Variants in AGBL4 observed in about 807,000 individuals in gnomAD.
AGBL4 encodes the protein cytosolic carboxypeptidase 6.
In AGBL4, 58 loss-of-function variants were observed where a neutral mutation model predicts 66.4. The ratio of observed to expected loss-of-function variants is 0.87; its 90% CI spans 0.71 to 1.09. AGBL4 has a LOEUF of 1.09. Among genes scored for constraint, AGBL4 ranks in the 50% least tolerant of loss-of-function variants. The pLI, the probability that AGBL4 is intolerant of heterozygous loss-of-function variation, is 0.00. For synonymous variants in AGBL4, 234 were observed against 222.9 expected (o/e 1.05, Z -0.44); for missense variants, 579 against 631.0 (o/e 0.92, Z 0.88).
At chr1:48,949,434 G>A (rs1656787130) in intron 5 of AGBL4, among the ~76,000 whole-genome samples, 1 of 152,198 alleles carries the variant, frequency 6.6e-6, no homozygotes, top group South Asian at 2.1e-4. Flanking sequence ...CCTGCACAGA[G>A]TCTATATACA....
chr1:49,157,212 C>A (rs1646449234), intron 4 of AGBL4, among the ~76,000 whole-genome samples: 1 of 152,022 alleles, frequency 6.6e-6, no homozygotes, highest in East Asian at 1.9e-4. Context: ...TTAGGTATTT[C>A]TCCTAATGCT....
chr1:49,522,413 TCTC>T (rs985819191), intron 3 of AGBL4, among the ~76,000 whole-genome samples: 2 of 152,096 alleles, frequency 1.3e-5, no homozygotes, highest in African/African-American at 4.8e-5. Context: ...CAACATGCCT[TCTC>T]ATCGTAATTT....
chr1:48,806,626 T>C (rs1645929984), intron 6 of AGBL4, among the ~76,000 whole-genome samples: 1 of 152,172 alleles, frequency 6.6e-6, no homozygotes, highest in South Asian at 2.1e-4. Flanking sequence ...TGCTCTTTCT[T>C]TGTTGTAGAA....
At chr1:48,999,237 A>C (rs1016667758) in intron 5 of AGBL4, among the ~76,000 whole-genome samples, 1 of 152,200 alleles carries the variant, frequency 6.6e-6, no homozygotes, top group African/African-American at 2.4e-5. Flanking sequence ...ATCTCATCCA[A>C]TTAAGAACAT....
intron 5 of AGBL4, among the ~76,000 whole-genome samples, chr1:49,009,823 C>G (rs1205902985): frequency 6.6e-6 from 1 of 152,112 alleles, no homozygotes; most frequent in Non-Finnish European, 1.5e-5. Flanking sequence ...TGACAAAATT[C>G]AACAACCATT....
At position 49,693,610 on chromosome 1, in the gene AGBL4, T is replaced by G. The variant is rs1343163; in HGVS notation, c.282+3703A>C. Among the ~76,000 whole-genome samples, 361 of 152,030 alleles carry G rather than the reference T, an allele frequency of 2.4e-3. 1 individual carries two copies. Among genetic ancestry groups the G allele is most frequent in the African/African-American group, 6.2e-3 (258 of 41,500 alleles). Reference sequence around the variant, plus strand: ...AGTAAAATTGTAATTTTTGTGTGTGTGGGGGGGTGCTTTTTCTCTGCTTCA... The same window carrying G: ...AGTAAAATTGTAATTTTTGTGTGTGGGGGGGGGTGCTTTTTCTCTGCTTCA... On this transcript the variant is annotated intron_variant, in intron 3 of 13. Transcript: ENST00000371839.
Position 49,568,487 on chromosome 1 carries a change from T to TCTCACACA in AGBL4, c.282+128825_282+128826insTGTGTGAG, listed in dbSNP as rs373075739. Among the ~76,000 whole-genome samples the TCTCACACA allele has an allele frequency of 5.3e-5, 7 of 131,284 alleles. No homozygotes were observed. In the East Asian group the frequency reaches 1.3e-3, roughly 24 times the overall value. The allele number at this position is 131,284 out of a possible 152,430, so 86.1% of individuals were successfully genotyped here. ...AAACACTGCTCAAAGAAATAAGTGA[T>TCTCACACA]CACACACACACACACACACACACAC... On this transcript the variant is annotated intron_variant, in intron 3 of 13. Coordinates refer to ENST00000371839, the MANE Select transcript of AGBL4 (RefSeq NM_032785.4).
downstream of AGBL4, among the ~76,000 whole-genome samples, chr1:48,529,794 G>A (rs1420419631): frequency 1.3e-5 from 2 of 152,124 alleles, no homozygotes; most frequent in Non-Finnish European, 2.9e-5. Context: ...GTCACGATGG[G>A]TCCAACAACC....
At chr1:48,714,491 T>C (rs6683673) in intron 6 of AGBL4, among the ~76,000 whole-genome samples, 149,449 of 152,338 alleles carry the variant, frequency 0.98, 73,370 homozygotes, top group East Asian at 1. Context: ...ATCTGTCCCA[T>C]CCACCCCTTC....
At chr1:49,463,676 G>C (rs1374516441) in intron 3 of AGBL4, among the ~76,000 whole-genome samples, 1 of 151,748 alleles carries the variant, frequency 6.6e-6, no homozygotes, top group Non-Finnish European at 1.5e-5. Flanking sequence ...GGGATTCTGT[G>C]TAACCTAATT....
At chr1:49,307,734 A>AT (rs1213817225) in intron 3 of AGBL4, among the ~76,000 whole-genome samples, 1 of 152,098 alleles carries the variant, frequency 6.6e-6, no homozygotes, top group Non-Finnish European at 1.5e-5. Context: ...CACAATGTTA[A>AT]TTTTATCCCT....
chr1:49,772,735 C>G (rs1644098289), intron 2 of AGBL4, among the ~76,000 whole-genome samples: 1 of 152,144 alleles, frequency 6.6e-6, no homozygotes, highest in Non-Finnish European at 1.5e-5. Flanking sequence ...AATGAGGATT[C>G]TCTTATATGT....
At chr1:49,635,352 CG>C (rs1645651473) in intron 3 of AGBL4, among the ~76,000 whole-genome samples, 1 of 151,836 alleles carries the variant, frequency 6.6e-6, no homozygotes. Context: ...TCTTTTAAAC[CG>C]GACCTAAAAA....
At chr1:48,546,779 T>C (rs1644167557) in intron 11 of AGBL4, among the ~76,000 whole-genome samples, 1 of 151,846 alleles carries the variant, frequency 6.6e-6, no homozygotes, top group African/African-American at 2.4e-5. Context: ...GGGTATACTA[T>C]GGTTAAAAAC....
At chr1:49,371,270 T>TACATAAATACATACATACAC in intron 3 of AGBL4, among the ~76,000 whole-genome samples, 1 of 152,006 alleles carries the variant, frequency 6.6e-6, no homozygotes, top group African/African-American at 2.4e-5. Context: ...CATACATACA[T>TACATAAATACATACATACAC]ACATACATAC....
chr1:48,985,012 A>T (rs1458644832), intron 5 of AGBL4, among the ~76,000 whole-genome samples: 2 of 152,102 alleles, frequency 1.3e-5, no homozygotes, highest in Non-Finnish European at 2.9e-5. Flanking sequence ...ATTTGGGAGG[A>T]TGTTCACTTC....
At chr1:48,639,009 T>G (rs1238626789) in intron 8 of AGBL4, among the ~76,000 whole-genome samples, 2 of 152,160 alleles carry the variant, frequency 1.3e-5, no homozygotes, top group African/African-American at 4.8e-5. Context: ...CGTTCTGGAC[T>G]TCATAGTCTC....
At chr1:49,255,874 G>C (rs1020624357) in intron 3 of AGBL4, among the ~76,000 whole-genome samples, 1 of 152,148 alleles carries the variant, frequency 6.6e-6, no homozygotes, top group African/African-American at 2.4e-5. Flanking sequence ...CATGGATGGA[G>C]CTGGAGACCA....
At chr1:49,948,213 AATATATATAAAT>A (rs1267910275) in intron 1 of AGBL4, among the ~76,000 whole-genome samples, 4 of 65,218 alleles carry the variant, frequency 6.1e-5, no homozygotes, top group East Asian at 1.1e-3. Context: ...TAAATATATA[AATATATATAAAT>A]ATATATAAAT....
Sources: gnomAD v4.1 joint callset for allele counts (sites outside exome capture counted in the v4.1 genomes callset) on GRCh38, gnomAD v4.1.1 for gene constraint, MANE v1.5 for transcripts, NCBI Gene and HGNC (gene_info 2026-07-23, HGNC 2026-07-21) for gene names.